ALK: variants seen among roughly 807,000 people sequenced by gnomAD.
The protein encoded by ALK is ALK tyrosine kinase receptor.
ALK carries 74 observed loss-of-function variants against 163.1 expected under a neutral mutation model. The observed-to-expected ratio is 0.45, with a 90% CI of 0.38 to 0.55. The LOEUF (loss-of-function observed/expected upper bound fraction) is 0.55. ALK is among the 20% of genes least tolerant of loss of function. The probability of loss-of-function intolerance (pLI) is 0.00; values close to 1 mark genes in which losing one functional copy is unlikely to be tolerated. For missense variants in ALK, 2,063 were observed against 2,105.3 expected (o/e 0.98, Z 0.39); for synonymous variants, 960 against 843.2 (o/e 1.14, Z -2.40).
intron 4 of ALK, among the ~76,000 whole-genome samples, chr2:29,457,691 G>C (rs1005973893): frequency 2.0e-5 from 3 of 152,134 alleles, no homozygotes; most frequent in Non-Finnish European, 4.4e-5. Flanking sequence ...TACATATAGA[G>C]ATAAATAAAA....
intron 3 of ALK, among the ~76,000 whole-genome samples, chr2:29,618,156 C>T (rs777244991): frequency 1.3e-5 from 2 of 152,204 alleles, no homozygotes; most frequent in Non-Finnish European, 2.9e-5. Flanking sequence ...GCAATCAAAC[C>T]AGCCTTTTGT....
intron 12 of ALK, among the ~76,000 whole-genome samples, chr2:29,244,828 C>T (rs575090238): frequency 4.6e-5 from 7 of 152,374 alleles, no homozygotes; most frequent in African/African-American, 1.4e-4. Context: ...TGTGATATCT[C>T]TCCTACTATT....
intron 1 of ALK, among the ~76,000 whole-genome samples, chr2:29,797,777 T>G (rs1344834627): frequency 1.3e-5 from 2 of 152,194 alleles, no homozygotes; most frequent in Admixed American, 1.3e-4. Context: ...AAACAAATAT[T>G]TGTTGATTTT....
chr2:29,477,028 G>A (rs1671542652), intron 4 of ALK, among the ~76,000 whole-genome samples: 1 of 152,186 alleles, frequency 6.6e-6, no homozygotes, highest in Admixed American at 6.5e-5. Flanking sequence ...GGAGCAGCAG[G>A]ATCTAGGTGC....
At chr2:29,752,061 T>C (rs879479117) in intron 1 of ALK, among the ~76,000 whole-genome samples, 11 of 152,316 alleles carry the variant, frequency 7.2e-5, no homozygotes, top group Non-Finnish European at 1.3e-4. Flanking sequence ...ATCAAAGACC[T>C]TACCTGTACT....
chr2:29,638,578 G>C (rs901445670), intron 3 of ALK, among the ~76,000 whole-genome samples: 18 of 152,244 alleles, frequency 1.2e-4, no homozygotes, highest in Non-Finnish European at 2.5e-4. Context: ...CACCAAGGAT[G>C]TGGCTGAATC....
At chr2:29,622,776 C>T (rs1172007115) in intron 3 of ALK, among the ~76,000 whole-genome samples, 1 of 152,136 alleles carries the variant, frequency 6.6e-6, no homozygotes, top group African/African-American at 2.4e-5. Context: ...ACCCTCCATC[C>T]CTTTTCTACC....
intron 4 of ALK, among the ~76,000 whole-genome samples, chr2:29,412,435 A>C (rs571249388): frequency 3.1e-4 from 47 of 152,264 alleles, no homozygotes; most frequent in African/African-American, 1.1e-3. Context: ...TCTAGTCTGC[A>C]CCATTGCTTC....
chr2:29,833,315 T>G (rs1364451894), intron 1 of ALK, among the ~76,000 whole-genome samples: 2 of 152,202 alleles, frequency 1.3e-5, no homozygotes, highest in East Asian at 3.8e-4. Context: ...ACATCAATAA[T>G]GCAGCAGCCT....
intron 3 of ALK, among the ~76,000 whole-genome samples, chr2:29,558,108 C>G (rs1326936101): frequency 2.0e-5 from 3 of 152,190 alleles, no homozygotes; most frequent in Non-Finnish European, 4.4e-5. Context: ...AAAGTCCTCC[C>G]TTCTTTCTGG....
rs1260302729 is a variant in ALK, at chr2:29,655,223, T to C, written c.952+39627A>G. On this transcript the variant is annotated intron_variant, in intron 3 of 28. Transcript: ENST00000389048. ...GTTCCTGTAGGTGGAAACTTGGCAA[T>C]ACTGGGGTATTATAAAAATGCTGGT... is the stretch of plus-strand genomic sequence containing the variant. Among the ~76,000 whole-genome samples the C allele has an allele frequency of 2.0e-5, 3 of 152,272 alleles. No homozygotes were observed. The East Asian group carries it at 5.8e-4, about 29-fold the overall frequency.
At chr2:29,602,968 T>C (rs924232389) in intron 3 of ALK, among the ~76,000 whole-genome samples, 1 of 152,186 alleles carries the variant, frequency 6.6e-6, no homozygotes, top group Admixed American at 6.5e-5. Context: ...ACGTAAGATA[T>C]ACATTGATTC....
At chr2:29,788,694 G>T (rs951479355) in intron 1 of ALK, among the ~76,000 whole-genome samples, 5 of 152,202 alleles carry the variant, frequency 3.3e-5, no homozygotes, top group Non-Finnish European at 7.3e-5. Flanking sequence ...GACAGGAAGA[G>T]CTTCTGCAGC....
chr2:29,325,052 C>G (rs59815811), intron 6 of ALK, among the ~76,000 whole-genome samples: 1 of 152,184 alleles, frequency 6.6e-6, no homozygotes, highest in East Asian at 1.9e-4. Flanking sequence ...CGGAGGACTC[C>G]CTCTGGGAAG....
At chr2:29,221,344 C>T (rs938583913) in intron 22 of ALK, 10 of 441,484 alleles carry the variant, frequency 2.3e-5, no homozygotes, top group Non-Finnish European at 4.5e-5. Context: ...GGGACCAAGA[C>T]TTGGGTTTTC....
At chr2:29,519,082 A>G (rs1250494806) in intron 4 of ALK, among the ~76,000 whole-genome samples, 3 of 152,208 alleles carry the variant, frequency 2.0e-5, no homozygotes, top group Non-Finnish European at 4.4e-5. Flanking sequence ...TGTGTATAAA[A>G]CACAAGAGGT....
At chr2:29,258,976 C>A (rs1188071661) in intron 11 of ALK, among the ~76,000 whole-genome samples, 2 of 152,012 alleles carry the variant, frequency 1.3e-5, no homozygotes, top group Admixed American at 6.6e-5. Context: ...TATAAACATA[C>A]ATCTATATGA....
At chr2:29,426,906 G>A (rs1239028360) in intron 4 of ALK, among the ~76,000 whole-genome samples, 1 of 151,194 alleles carries the variant, frequency 6.6e-6, no homozygotes, top group East Asian at 1.9e-4. Flanking sequence ...AGCATAGTGG[G>A]GTGCGCCTGT....
At chr2:29,579,413 C>A (rs1674615142) in intron 3 of ALK, among the ~76,000 whole-genome samples, 1 of 152,182 alleles carries the variant, frequency 6.6e-6, no homozygotes, top group African/African-American at 2.4e-5. Context: ...CCTTAAAGAT[C>A]CCCATGGCTT....
Sources: allele counts gnomAD v4.1 joint callset (sites outside exome capture counted in the v4.1 genomes callset), GRCh38; gene constraint gnomAD v4.1.1; transcripts MANE v1.5; gene names NCBI Gene and HGNC (gene_info 2026-07-23, HGNC 2026-07-21).